COMMD1: variants seen among roughly 807,000 people sequenced by gnomAD.
The protein encoded by COMMD1 is copper metabolism domain containing 1, also known as COMM domain-containing protein 1.
Under a neutral mutation model 17.2 loss-of-function variants are expected in COMMD1, and 10 were observed. The ratio of observed to expected loss-of-function variants is 0.58; its 90% CI spans 0.36 to 0.99. The LOEUF (loss-of-function observed/expected upper bound fraction) is 0.99. Among genes scored for constraint, COMMD1 ranks in the 50% least tolerant of loss-of-function variants. COMMD1 has a pLI of 0.01. For synonymous variants in COMMD1, 97 were observed against 91.6 expected (o/e 1.06, Z -0.34); for missense variants, 270 against 231.8 (o/e 1.17, Z -1.07).
At chr2:61,930,223 C>A (rs1329598706) in intron 1 of COMMD1, among the ~76,000 whole-genome samples, 2 of 152,092 alleles carry the variant, frequency 1.3e-5, no homozygotes, top group Non-Finnish European at 2.9e-5. Flanking sequence ...CTCTTTTGCT[C>A]TGGCATCCAG....
chr2:62,091,204 A>G (rs1377669306), intron 2 of COMMD1, among the ~76,000 whole-genome samples: 4 of 152,166 alleles, frequency 2.6e-5, no homozygotes, highest in African/African-American at 9.7e-5. Context: ...TCTTCTATCC[A>G]TTTGATGAGT....
At chr2:62,047,663 C>T (rs1237159917) in intron 2 of COMMD1, among the ~76,000 whole-genome samples, 4 of 152,038 alleles carry the variant, frequency 2.6e-5, no homozygotes, top group Non-Finnish European at 5.9e-5. Flanking sequence ...CTGTGTTGGC[C>T]AGGCTGGTCT....
intron 2 of COMMD1, among the ~76,000 whole-genome samples, chr2:62,108,306 T>G (rs539858272): frequency 7.8e-4 from 118 of 152,240 alleles, no homozygotes; most frequent in African/African-American, 2.8e-3. Context: ...TTTCAGTGTC[T>G]GGGGCCCTGT....
intron 2 of COMMD1, among the ~76,000 whole-genome samples, chr2:62,070,562 A>AAC (rs1671171511): frequency 1.3e-5 from 2 of 151,536 alleles, no homozygotes; most frequent in Admixed American, 1.3e-4. Flanking sequence ...AAAAAAAAAA[A>AAC]AACAACTAAA....
intron 2 of COMMD1, among the ~76,000 whole-genome samples, chr2:62,106,908 T>C (rs1345825015): frequency 6.6e-6 from 1 of 152,016 alleles, no homozygotes; most frequent in East Asian, 1.9e-4. Context: ...CTTGCAAGAG[T>C]AGCAACAGTT....
upstream of COMMD1, among the ~76,000 whole-genome samples, chr2:61,902,057 T>C (rs954056459): frequency 3.3e-5 from 5 of 151,932 alleles, no homozygotes; most frequent in Non-Finnish European, 5.9e-5. Flanking sequence ...GGTCTCGATC[T>C]CTTGACCTCG....
chr2:61,955,903 T>C (rs1456116129), intron 1 of COMMD1, among the ~76,000 whole-genome samples: 3 of 152,178 alleles, frequency 2.0e-5, no homozygotes, highest in Non-Finnish European at 4.4e-5. Context: ...GCCAGGCTGG[T>C]CTTGAACTCC....
intron 1 of COMMD1, among the ~76,000 whole-genome samples, chr2:61,946,977 TAATC>T (rs953738473): frequency 5.3e-4 from 80 of 152,330 alleles, no homozygotes; most frequent in African/African-American, 1.9e-3. Context: ...TTTTAACAAT[TAATC>T]TTTATTTTAC....
At chr2:61,905,663 G>A (rs1367462147), upstream of COMMD1, 1 of 1,533,692 alleles carries the variant, frequency 6.5e-7, no homozygotes, top group Non-Finnish European at 8.8e-7. Context: ...GTTGCGGGGC[G>A]GGGCCTTCGC....
intron 2 of COMMD1, among the ~76,000 whole-genome samples, chr2:62,124,043 T>C (rs1200458088): frequency 6.6e-6 from 1 of 152,206 alleles, no homozygotes; most frequent in East Asian, 1.9e-4. Flanking sequence ...CTCACACCTG[T>C]AATCCCAGCA....
At chr2:61,944,871 G>A (rs532088127) in intron 1 of COMMD1, among the ~76,000 whole-genome samples, 1 of 152,262 alleles carries the variant, frequency 6.6e-6, no homozygotes, top group South Asian at 2.1e-4. Flanking sequence ...GGAAGGGGAA[G>A]GGGAAGTAGG....
intron 2 of COMMD1, among the ~76,000 whole-genome samples, chr2:62,013,049 A>T (rs1669331853): frequency 6.6e-6 from 1 of 152,124 alleles, no homozygotes. Context: ...AGAGGGTTTT[A>T]AACAAGGAAA....
intron 2 of COMMD1, among the ~76,000 whole-genome samples, chr2:62,058,842 G>A (rs762443552): frequency 7.9e-5 from 12 of 151,856 alleles, no homozygotes; most frequent in South Asian, 2.1e-4. Context: ...GTGCAATGGC[G>A]CAATCTCAGT....
intron 2 of COMMD1, among the ~76,000 whole-genome samples, chr2:62,097,266 C>T (rs1234617651): frequency 1.3e-5 from 2 of 152,114 alleles, no homozygotes; most frequent in African/African-American, 4.8e-5. Flanking sequence ...ATTATAAGTC[C>T]TTTGTCTAAA....
intron 2 of COMMD1, among the ~76,000 whole-genome samples, chr2:62,049,897 T>C (rs1194020985): frequency 6.7e-6 from 1 of 149,760 alleles, no homozygotes; most frequent in Non-Finnish European, 1.5e-5. Context: ...TTTAGTGATA[T>C]GATTAATATA....
chr2:62,131,456 T>C (rs1247020297), intron 2 of COMMD1, among the ~76,000 whole-genome samples: 1 of 152,212 alleles, frequency 6.6e-6, no homozygotes, highest in Non-Finnish European at 1.5e-5. Flanking sequence ...ATTGCTCTTG[T>C]ACCTTCTGCC....
chr2:61,890,506 G>C (rs1669402128), intron 1 of COMMD1, among the ~76,000 whole-genome samples: 2 of 152,036 alleles, frequency 1.3e-5, no homozygotes, highest in African/African-American at 4.8e-5. Context: ...GGCTTGGCGA[G>C]AGCCACCTCG....
chr2:62,119,255 T>A (rs1032664390), intron 2 of COMMD1, among the ~76,000 whole-genome samples: 1 of 152,188 alleles, frequency 6.6e-6, no homozygotes, highest in Non-Finnish European at 1.5e-5. Context: ...GACACCTTCA[T>A]CTTGGACTTC....
upstream of COMMD1, among the ~76,000 whole-genome samples, chr2:61,904,896 T>C (rs980180401): frequency 3.3e-5 from 5 of 152,242 alleles, 1 homozygote; most frequent in Non-Finnish European, 7.3e-5. Flanking sequence ...TCTCCATGGA[T>C]TTGTCTATCC....
Sources: allele counts gnomAD v4.1 joint callset (sites outside exome capture counted in the v4.1 genomes callset), GRCh38; gene constraint gnomAD v4.1.1; transcripts MANE v1.5; gene names NCBI Gene and HGNC (gene_info 2026-07-23, HGNC 2026-07-21).